The following THSD7B variants were observed in gnomAD, a reference collection of about 807,000 sequenced individuals.
THSD7B encodes the protein thrombospondin type-1 domain-containing protein 7B.
Under a neutral mutation model 213.6 loss-of-function variants are expected in THSD7B, and 138 were observed. The observed-to-expected ratio is 0.65, with a 90% CI of 0.56 to 0.74. The LOEUF is 0.74. THSD7B is among the 30% of genes least tolerant of loss of function. The pLI is 0.00. For missense variants in THSD7B, 1,931 were observed against 1,991.5 expected (o/e 0.97, Z 0.58); for synonymous variants, 742 against 687.0 (o/e 1.08, Z -1.25).
At position 137,088,648 on chromosome 2, in the gene THSD7B, G is replaced by A. The variant is rs532151058; in HGVS notation, c.951-6225G>A. Among the ~76,000 whole-genome samples, 3 of 146,616 alleles carry A rather than the reference G, an allele frequency of 2.0e-5. 1 individual carries two copies. The South Asian group carries it at 6.5e-4, about 32-fold the overall frequency. On this transcript the variant is annotated intron_variant, in intron 3 of 27. Coordinates refer to ENST00000409968, the MANE Select transcript of THSD7B (RefSeq NM_001316349.2). Reference sequence around the variant, plus strand: ...ATAGCTGGGACTTAATTAAACCAAAGAGCTTTTGCATGGCAATAGGAACCA... The same window carrying A: ...ATAGCTGGGACTTAATTAAACCAAAAAGCTTTTGCATGGCAATAGGAACCA...
intron 21 of THSD7B, 114 bp downstream of exon 21, chr2:137,642,747 T>C (rs1682963543): frequency 7.8e-7 from 1 of 1,274,492 alleles, no homozygotes; most frequent in Non-Finnish European, 1.1e-6. Context: ...TCTGGCACAA[T>C]GTATTTTTAA....
chr2:137,132,492 A>G lies in THSD7B; in HGVS notation c.1369+17199A>G, dbSNP rs374730657. 4.8e-4 allele frequency among the ~76,000 whole-genome samples: 73 copies of G among 152,272 alleles called. 1 individual carries two copies. The South Asian group carries it at 0.013, about 27-fold the overall frequency. On this transcript the variant is annotated intron_variant, in intron 5 of 27. Transcript: ENST00000409968. Reference sequence around the variant, plus strand: ...AGGATACTTTCTTATGTGAGTTCACATTACATATTATCAATATATTAACTG... The same window carrying G: ...AGGATACTTTCTTATGTGAGTTCACGTTACATATTATCAATATATTAACTG...
chr2:137,605,290 T>TCC (rs1682151661), intron 17 of THSD7B, among the ~76,000 whole-genome samples: 1 of 152,224 alleles, frequency 6.6e-6, no homozygotes, highest in Non-Finnish European at 1.5e-5. Context: ...TTCATGTCTG[T>TCC]ATACTCCTTC....
At chr2:137,625,556 A>G (rs1682609513) in intron 20 of THSD7B, among the ~76,000 whole-genome samples, 1 of 152,212 alleles carries the variant, frequency 6.6e-6, no homozygotes, top group Admixed American at 6.5e-5. Context: ...GACAGGCATG[A>G]AATGTTAAAT....
At chr2:136,824,035 C>T (rs1160850406) in intron 1 of THSD7B, among the ~76,000 whole-genome samples, 3 of 152,038 alleles carry the variant, frequency 2.0e-5, no homozygotes, top group Admixed American at 2.0e-4. Context: ...TTTATTAATC[C>T]TCACAACAAT....
Position 136,992,661 on chromosome 2 carries a change from T to G in THSD7B, c.140-63759T>G, listed in dbSNP as rs190688792. Among the ~76,000 whole-genome samples, 279 of 152,334 alleles carry G rather than the reference T, an allele frequency of 1.8e-3. 1 individual carries two copies. Among genetic ancestry groups the G allele is most frequent in the African/African-American group, 6.5e-3 (271 of 41,582 alleles). The stretch of plus-strand genomic sequence containing the variant: ...TGAAGGAGGTAGGACAATTGCACAC[T>G]TAGTTACAAGACATTGGTTGAAAAC... On this transcript the variant is annotated intron_variant, in intron 2 of 27. Transcript: ENST00000409968.
At chr2:137,203,993 T>G (rs958508623) in intron 7 of THSD7B, among the ~76,000 whole-genome samples, 2 of 151,972 alleles carry the variant, frequency 1.3e-5, no homozygotes, top group African/African-American at 2.4e-5. Context: ...AAGAAATATA[T>G]CCATAGACAA....
intron 2 of THSD7B, among the ~76,000 whole-genome samples, chr2:137,005,247 TG>T (rs1686081040): frequency 6.6e-6 from 1 of 152,252 alleles, no homozygotes; most frequent in South Asian, 2.1e-4. Flanking sequence ...AGCCACCAAA[TG>T]TTTATGAACA....
intron 2 of THSD7B, among the ~76,000 whole-genome samples, chr2:136,937,078 G>A (rs189306409): frequency 1.7e-3 from 255 of 152,128 alleles, no homozygotes; most frequent in South Asian, 2.7e-3. Context: ...TTTCAGCACC[G>A]TAACAAGAAA....
chr2:137,664,676 T>C (rs935861526), intron 26 of THSD7B, among the ~76,000 whole-genome samples: 13 of 152,200 alleles, frequency 8.5e-5, no homozygotes, highest in Non-Finnish European at 1.9e-4. Context: ...GTTAATTTTA[T>C]CAGTTTCACA....
At chr2:137,616,342 C>A in intron 18 of THSD7B, 26 bp downstream of exon 18, 1 of 1,602,614 alleles carries the variant, frequency 6.2e-7, no homozygotes, top group Non-Finnish European at 8.5e-7. Flanking sequence ...ATGACCTTGT[C>A]GTTCTCCCTG....
chr2:137,076,305 C>A (rs928473802), intron 3 of THSD7B, among the ~76,000 whole-genome samples: 4 of 152,252 alleles, frequency 2.6e-5, no homozygotes, highest in African/African-American at 9.6e-5. Context: ...GCCCCTCCCC[C>A]AGCCTCGCTG....
intron 12 of THSD7B, among the ~76,000 whole-genome samples, chr2:137,331,847 C>T (rs1684517381): frequency 6.6e-6 from 1 of 152,186 alleles, no homozygotes; most frequent in Non-Finnish European, 1.5e-5. Flanking sequence ...AGCCGCTGGC[C>T]CGGGTGCTAA....
At chr2:136,851,361 A>G (rs921324203) in intron 1 of THSD7B, among the ~76,000 whole-genome samples, 11 of 152,080 alleles carry the variant, frequency 7.2e-5, no homozygotes, top group Non-Finnish European at 1.5e-4. Flanking sequence ...CATGTCTCTT[A>G]ACAGCAGCAC....
At chr2:137,319,293 G>A (rs11690783) in intron 12 of THSD7B, among the ~76,000 whole-genome samples, 1 of 150,824 alleles carries the variant, frequency 6.6e-6, no homozygotes, top group Non-Finnish European at 1.5e-5. Context: ...TGTGGCTTTA[G>A]AAATGTTCTG....
chr2:137,118,992 G>A (rs559478623), intron 5 of THSD7B, among the ~76,000 whole-genome samples: 37 of 152,184 alleles, frequency 2.4e-4, no homozygotes, highest in African/African-American at 8.9e-4. Context: ...ACAGTATGGG[G>A]CAAACACCCC....
intron 7 of THSD7B, among the ~76,000 whole-genome samples, chr2:137,196,389 T>G (rs986549100): frequency 3.4e-5 from 5 of 148,052 alleles, no homozygotes; most frequent in South Asian, 2.2e-4. Context: ...TTTTTTTTTT[T>G]TTTTTTTTTT....
At chr2:137,160,001 C>A (rs1318230996) in intron 5 of THSD7B, among the ~76,000 whole-genome samples, 1 of 152,218 alleles carries the variant, frequency 6.6e-6, no homozygotes, top group East Asian at 1.9e-4. Flanking sequence ...CAAGCGCATG[C>A]ACTTTGCCTC....
intron 3 of THSD7B, among the ~76,000 whole-genome samples, chr2:137,067,302 G>A (rs1261227274): frequency 6.6e-6 from 1 of 152,074 alleles, no homozygotes; most frequent in Non-Finnish European, 1.5e-5. Context: ...GGGGTAATTA[G>A]ACCTTTAGTG....
Sources: allele counts gnomAD v4.1 joint callset (sites outside exome capture counted in the v4.1 genomes callset), GRCh38; gene constraint gnomAD v4.1.1; transcripts MANE v1.5; gene names NCBI Gene and HGNC (gene_info 2026-07-23, HGNC 2026-07-21).